The following SLC29A3 variants were observed in gnomAD, a reference collection of about 807,000 sequenced individuals.
SLC29A3 encodes the protein equilibrative nucleoside transporter 3.
Under a neutral mutation model 25.4 loss-of-function variants are expected in SLC29A3, and 18 were observed. The ratio of observed to expected loss-of-function variants is 0.71; its 90% confidence interval spans 0.49 to 1.05. The LOEUF (loss-of-function observed/expected upper bound fraction) is 1.05. SLC29A3 is among the 50% of genes least tolerant of loss of function. The pLI is 0.00. For synonymous variants in SLC29A3, 258 were observed against 267.1 expected (o/e 0.97, Z 0.33); for missense variants, 586 against 609.0 (o/e 0.96, Z 0.40).
intron 2 of SLC29A3, among the ~76,000 whole-genome samples, chr10:71,329,110 C>T (rs905197891): frequency 6.6e-6 from 1 of 152,198 alleles, no homozygotes; most frequent in Admixed American, 6.5e-5. Flanking sequence ...CACATGACAT[C>T]CTGGTGAGCT....
intron 3 of SLC29A3, among the ~76,000 whole-genome samples, chr10:71,347,253 A>C (rs1169217479): frequency 6.6e-6 from 1 of 152,156 alleles, no homozygotes; most frequent in Non-Finnish European, 1.5e-5. Context: ...AATACTTATG[A>C]GGAGGATTTA....
chr10:71,361,853 C>A lies in SLC29A3; in HGVS notation c.774-101C>A, dbSNP rs1847061562. Reference sequence around the variant, plus strand: ...GTGGGCATACGGGGCTTGGGCTCTCCATGCTGGGCTGGAAGGTTCTGTTCT... The same window carrying A: ...GTGGGCATACGGGGCTTGGGCTCTCAATGCTGGGCTGGAAGGTTCTGTTCT... On this transcript the variant is annotated intron_variant, in intron 5 of 5. Coordinates refer to ENST00000373189, the MANE Select transcript of SLC29A3 (RefSeq NM_018344.6). 10 of 1,411,350 alleles carry A rather than the reference C, an allele frequency of 7.1e-6. No homozygotes were observed. In the East Asian group the frequency reaches 2.1e-4, roughly 29 times the overall value. 87.4% of individuals were successfully genotyped at this position (1,411,350 alleles called of 1,614,324 possible).
intron 2 of SLC29A3, among the ~76,000 whole-genome samples, chr10:71,329,326 C>T (rs966887668): frequency 3.9e-5 from 6 of 152,034 alleles, no homozygotes; most frequent in Admixed American, 2.0e-4. Flanking sequence ...ACCCCACCTG[C>T]GTGTGCCTGT....
intron 3 of SLC29A3, among the ~76,000 whole-genome samples, chr10:71,374,756 C>T (rs540024812): frequency 7.9e-5 from 12 of 152,268 alleles, no homozygotes; most frequent in African/African-American, 9.6e-5. Context: ...CTTGGCTTGC[C>T]GCTAGCGTGT....
In SLC29A3 at chr10:71,355,300, G is replaced by A. The variant is rs146051912; in HGVS notation, c.611-781G>A. On this transcript the variant is annotated intron_variant, in intron 4 of 5. Transcript: ENST00000373189. ...AGCCCCGTTGGCACCCGAGTAGGTC[G>A]TGTGGCCTCCTCTGTTAGGTAGCAG... Among the ~76,000 whole-genome samples the A allele has an allele frequency of 2.6e-4, 40 of 152,348 alleles. No individual in the cohort carries two copies. The East Asian group carries it at 5.4e-3, about 21-fold the overall frequency.
chr10:71,343,679 G>A (rs1166040508), intron 2 of SLC29A3, among the ~76,000 whole-genome samples: 1 of 152,178 alleles, frequency 6.6e-6, no homozygotes, highest in Non-Finnish European at 1.5e-5. Context: ...AGCGAGCGGT[G>A]CCTCATGCCT....
chr10:71,377,058 G>A (rs1589248834), intron 4 of SLC29A3, among the ~76,000 whole-genome samples: 1 of 152,300 alleles, frequency 6.6e-6, no homozygotes, highest in East Asian at 1.9e-4. Context: ...GAGCCACCGC[G>A]CCCGGCCCTG....
chr10:71,362,599 C>T lies in SLC29A3; in HGVS notation c.1419C>T (p.His473=), dbSNP rs372551556. ...LGSACSTLLV[H]LI ...CAGCCTGCTCTACCCTCCTGGTGCACCTCATCTAGAAGGGAGGACACAAGG... is the reference window on the plus strand; with the variant it reads ...CAGCCTGCTCTACCCTCCTGGTGCATCTCATCTAGAAGGGAGGACACAAGG... Residue 473 remains histidine, a synonymous_variant, in exon 6 of 6, where the codon CAC becomes CAT. Coordinates refer to ENST00000373189, the MANE Select transcript of SLC29A3 (RefSeq NM_018344.6). 3.1e-6 allele frequency: 5 copies of T among 1,614,158 alleles called. No homozygotes were observed. Among genetic ancestry groups the T allele is most frequent in the Non-Finnish European group, 4.2e-6 (5 of 1,180,048 alleles).
chr10:71,346,847 T>C (rs1236755927), intron 3 of SLC29A3, among the ~76,000 whole-genome samples: 1 of 152,198 alleles, frequency 6.6e-6, no homozygotes, highest in African/African-American at 2.4e-5. Context: ...GCCCTGTCTC[T>C]CCGGGATTCA....
chr10:71,372,233 A>G (rs1181343208), intron 3 of SLC29A3, among the ~76,000 whole-genome samples: 6 of 152,234 alleles, frequency 3.9e-5, no homozygotes, highest in Admixed American at 3.9e-4. Flanking sequence ...ATTGAGCACT[A>G]TGAACCGGGC....
At chr10:71,356,289 T>C (rs1188811990) in intron 5 of SLC29A3, 46 bp downstream of exon 5, 1 of 1,601,968 alleles carries the variant, frequency 6.2e-7, no homozygotes, top group Admixed American at 1.7e-5. Flanking sequence ...GTGTATCCAG[T>C]TATAGCCATG....
intron 2 of SLC29A3, among the ~76,000 whole-genome samples, chr10:71,340,710 G>C (rs902256177): frequency 6.6e-6 from 1 of 152,300 alleles, no homozygotes; most frequent in African/African-American, 2.4e-5. Context: ...TCACATTTCC[G>C]TAAGTAAAAT....
downstream of SLC29A3, chr10:71,364,840 G>T (rs1847154095): frequency 2.6e-5 from 4 of 152,252 alleles, no homozygotes; most frequent in African/African-American, 9.6e-5. Context: ...GGAGCCTGAA[G>T]TCTCCCCCTT....
Position 71,371,612 on chromosome 10 carries a change from A to G in SLC29A3, c.*95-4083A>G, listed in dbSNP as rs1248698833. Among the ~76,000 whole-genome samples the G allele has an allele frequency of 2.0e-5, 3 of 152,226 alleles. No individual in the cohort carries two copies. The East Asian group carries it at 5.8e-4, about 29-fold the overall frequency. ...GAGCAATGGACAGAGCACAGTGCTT[A>G]AGAGCAGGGACTTAGAAGCCAGACT... On this transcript the variant is annotated intron_variant and NMD_transcript_variant, in intron 3 of 4. Coordinates refer to the SLC29A3 transcript ENST00000642772.
intron 4 of SLC29A3, among the ~76,000 whole-genome samples, chr10:71,355,359 A>G (rs960916403): frequency 6.6e-6 from 1 of 152,182 alleles, no homozygotes; most frequent in Non-Finnish European, 1.5e-5. Context: ...TCTCACAGGT[A>G]ATGTGTGTCA....
At chr10:71,347,645 G>T (rs942743387) in intron 3 of SLC29A3, among the ~76,000 whole-genome samples, 1 of 152,310 alleles carries the variant, frequency 6.6e-6, no homozygotes, top group South Asian at 2.1e-4. Flanking sequence ...TAGAGCCCAC[G>T]GATGGAGGCT....
At chr10:71,373,326 G>C (rs374073377) in intron 3 of SLC29A3, among the ~76,000 whole-genome samples, 8 of 152,200 alleles carry the variant, frequency 5.3e-5, no homozygotes, top group African/African-American at 1.9e-4. Context: ...TGGGAGAAAG[G>C]AATAGGACAG....
intron 3 of SLC29A3, among the ~76,000 whole-genome samples, chr10:71,370,287 G>A (rs1847201678): frequency 6.6e-6 from 1 of 152,154 alleles, no homozygotes; most frequent in African/African-American, 2.4e-5. Flanking sequence ...GAAGAGTAAA[G>A]TATGAAGTTC....
intron 1 of SLC29A3, among the ~76,000 whole-genome samples, chr10:71,322,226 A>T (rs1845861883): frequency 6.6e-6 from 1 of 152,136 alleles, no homozygotes; most frequent in Non-Finnish European, 1.5e-5. Context: ...GCATATACAA[A>T]TACATATGTG....
Sources: gnomAD v4.1 joint callset for allele counts (sites outside exome capture counted in the v4.1 genomes callset) on GRCh38, gnomAD v4.1.1 for gene constraint, MANE v1.5 for transcripts, NCBI Gene and HGNC (gene_info 2026-07-23, HGNC 2026-07-21) for gene names.